ATRX: variants seen among roughly 807,000 people sequenced by gnomAD.
ATRX encodes chromatin remodeler ATRX.
Under a neutral mutation model 172.6 loss-of-function variants are expected in ATRX, and 12 were observed. That is an observed-to-expected ratio of 0.07 (90% confidence interval 0.04 to 0.11). The LOEUF is 0.11. Ranked by LOEUF, ATRX falls within the 10% of genes least tolerant of loss-of-function variation. The pLI is 1.00. For missense variants in ATRX, 1,368 were observed against 1,767.4 expected, an observed-to-expected ratio of 0.77 and a Z score of 4.05; for synonymous variants, 674 against 594.7, an observed-to-expected ratio of 1.13 and a Z score of -1.94.
chrX:77,731,040 G>T (rs1456354552), intron 1 of ATRX, among the ~76,000 whole-genome samples: 1 of 105,918 alleles, frequency 9.4e-6, no homozygotes. Flanking sequence ...CAAAATGTTG[G>T]TTTTTGTAAA....
chrX:77,598,379 A>AG (rs2066546117), intron 25 of ATRX, among the ~76,000 whole-genome samples: 1 of 111,444 alleles, frequency 9.0e-6, no homozygotes, highest in African/African-American at 3.3e-5. Context: ...CCCAAAGCTG[A>AG]GCATCATGCA....
At chrX:77,641,059 G>A (rs1169344784) in intron 15 of ATRX, among the ~76,000 whole-genome samples, 1 of 110,918 alleles carries the variant, frequency 9.0e-6, no homozygotes, top group Non-Finnish European at 1.9e-5. Flanking sequence ...CTTAGCAGTG[G>A]GTCAAAGCAA....
At chrX:77,620,285 TG>T in intron 20 of ATRX, 109 bp downstream of exon 20, 1 of 838,495 alleles carries the variant, frequency 1.2e-6, no homozygotes, top group Non-Finnish European at 1.7e-6. Context: ...ATGTAGATCA[TG>T]GTCTAGGACT....
chrX:77,660,276 T>G (rs2069798811), intron 12 of ATRX, among the ~76,000 whole-genome samples: 1 of 112,028 alleles, frequency 8.9e-6, no homozygotes, highest in African/African-American at 3.2e-5. Flanking sequence ...AAGAAATTTA[T>G]AAGACAAGCT....
intron 1 of ATRX, among the ~76,000 whole-genome samples, chrX:77,744,716 G>A (rs782502730): frequency 3.6e-5 from 4 of 110,954 alleles, no homozygotes; most frequent in Admixed American, 9.6e-5. Flanking sequence ...GACCAGGCAC[G>A]GTGCCTTGTG....
chrX:77,652,081 CA>C, intron 15 of ATRX, 32 bp downstream of exon 15: 1 of 1,203,349 alleles, frequency 8.3e-7, no homozygotes, highest in Non-Finnish European at 1.1e-6. Context: ...CCTGTAGCTA[CA>C]AAAGAAAAAG....
chrX:77,765,760 A>G (rs1308728127), intron 1 of ATRX, among the ~76,000 whole-genome samples: 1 of 107,588 alleles, frequency 9.3e-6, no homozygotes. Flanking sequence ...GCAGGGTCAT[A>G]GGACAATAGT....
intron 27 of ATRX, among the ~76,000 whole-genome samples, chrX:77,578,992 C>T (rs1020557025): frequency 1.8e-5 from 2 of 111,261 alleles, no homozygotes; most frequent in African/African-American, 3.3e-5. Flanking sequence ...TGAACACTGG[C>T]GGTACACTGG....
chrX:77,666,399 C>CA (rs1702158039), intron 10 of ATRX, among the ~76,000 whole-genome samples: 1 of 111,529 alleles, frequency 9.0e-6, no homozygotes, highest in African/African-American at 3.3e-5. Flanking sequence ...TTCATTTTGC[C>CA]AAAAAAAGAA....
chrX:77,557,403 T>G (rs2064845441), intron 30 of ATRX, 48 bp downstream of exon 30: 1 of 1,142,691 alleles, frequency 8.8e-7, no homozygotes, highest in South Asian at 1.8e-5. Flanking sequence ...TAGTAAAATT[T>G]CCTTAGTCCA....
At position 77,717,248 on chromosome X, in the gene ATRX, T is replaced by G; in HGVS notation, c.21-5A>C. The G allele has an allele frequency of 8.5e-7, 1 of 1,170,805 alleles. No homozygotes were observed. The highest frequency in any genetic ancestry group is 1.8e-5 in the South Asian group (1 of 55,993). On this transcript the variant is annotated splice_polypyrimidine_tract_variant and splice_region_variant and intron_variant, in intron 1 of 34. Transcript: ENST00000373344. ...AATGTATTCAACTTGCTTTCACTATTAAAACAAAATTTAAAGAATTCCCTT... is the reference window on the plus strand; with the variant it reads ...AATGTATTCAACTTGCTTTCACTATGAAAACAAAATTTAAAGAATTCCCTT...
At chrX:77,782,215 G>T (rs2076594072) in intron 1 of ATRX, among the ~76,000 whole-genome samples, 1 of 112,073 alleles carries the variant, frequency 8.9e-6, no homozygotes, top group African/African-American at 3.2e-5. Context: ...TAGTGGAAAT[G>T]CAAGTATTTC....
At chrX:77,706,680 G>A (rs981462599) in intron 2 of ATRX, among the ~76,000 whole-genome samples, 6 of 110,553 alleles carry the variant, frequency 5.4e-5, no homozygotes, top group Non-Finnish European at 1.1e-4. Context: ...AAGGTGGATC[G>A]CCTGAGGCCA....
chrX:77,740,400 T>A (rs890228273), intron 1 of ATRX, among the ~76,000 whole-genome samples: 3 of 110,967 alleles, frequency 2.7e-5, no homozygotes, highest in Non-Finnish European at 5.7e-5. Context: ...CTTTCCTAGG[T>A]TTTACCTCCA....
At chrX:77,521,199 C>T in intron 33 of ATRX, 1 of 440,136 alleles carries the variant, frequency 2.3e-6, no homozygotes, top group East Asian at 3.8e-5. Context: ...TTTCTCAATT[C>T]TTACATTTTA....
intron 22 of ATRX, among the ~76,000 whole-genome samples, chrX:77,606,887 T>C (rs1478829860): frequency 4.5e-5 from 5 of 111,029 alleles, no homozygotes; most frequent in Non-Finnish European, 7.5e-5. Context: ...ATAAAAACCA[T>C]ATAATCATTT....
At chrX:77,766,257 C>A (rs1322658621) in intron 1 of ATRX, among the ~76,000 whole-genome samples, 8 of 97,604 alleles carry the variant, frequency 8.2e-5, no homozygotes, top group East Asian at 3.6e-4. Context: ...CACTTCCCAG[C>A]AGGGGCGGCC....
chrX:77,537,189 T>C (rs1201664688), intron 30 of ATRX, among the ~76,000 whole-genome samples: 4 of 112,130 alleles, frequency 3.6e-5, no homozygotes, highest in Admixed American at 9.5e-5. Context: ...CCTTTGTCCT[T>C]GAGCAAGTTA....
intron 19 of ATRX, among the ~76,000 whole-genome samples, chrX:77,626,906 G>A (rs1038152479): frequency 3.6e-5 from 4 of 111,933 alleles, no homozygotes; most frequent in Non-Finnish European, 7.5e-5. Flanking sequence ...TGGTTAGTAC[G>A]GATATCTGAA....
Sources: allele counts gnomAD v4.1 joint callset (sites outside exome capture counted in the v4.1 genomes callset), GRCh38; gene constraint gnomAD v4.1.1; transcripts MANE v1.5; gene names NCBI Gene and HGNC (gene_info 2026-07-23, HGNC 2026-07-21).